The following PASK variants were observed in gnomAD, a reference collection of about 807,000 sequenced individuals.
PASK encodes PAS domain-containing serine/threonine-protein kinase.
Under a neutral mutation model 121.0 loss-of-function variants are expected in PASK, and 110 were observed. The ratio of observed to expected loss-of-function variants is 0.91; its 90% CI spans 0.78 to 1.06. The LOEUF is 1.06. Ranked by LOEUF, PASK falls within the 50% of genes least tolerant of loss-of-function variation. The pLI, the probability that PASK is intolerant of heterozygous loss-of-function variation, is 0.00. For missense variants in PASK, 1,643 were observed against 1,702.3 expected (o/e 0.97, Z 0.61); for synonymous variants, 686 against 717.8 (o/e 0.96, Z 0.71).
Position 241,108,217 on chromosome 2 carries a change from A to G in PASK, c.3617T>C (p.Leu1206Pro). Reference protein sequence around the residue: ...LVFEENPFCELEETVEAAIHP... With the variant: ...LVFEENPFCEPEETVEAAIHP... ...TATGGCAGCCTCCACGGTCTCCTCC[A>G]GCTCACAGAAGGGGTTCTCCTCAAA... Residue 1206 changes from leucine to proline, a missense_variant, in exon 16 of 18, where the codon CTG becomes CCG. By Grantham distance (98) the Leu-to-Pro change is moderately conservative. Transcript: ENST00000234040. The surrounding 1 kb of genome is among the most constrained non-coding windows in gnomAD (Gnocchi z 5.2). The G allele has an allele frequency of 6.2e-7, 1 of 1,613,844 alleles. No homozygotes were observed. Among genetic ancestry groups the G allele is most frequent in the African/African-American group, 1.3e-5 (1 of 74,984 alleles).
chr2:241,145,609 C>G (rs1331100831), intron 1 of PASK: 1 of 151,730 alleles, frequency 6.6e-6, no homozygotes, highest in East Asian at 1.9e-4. Context: ...ATTGAGAACA[C>G]ATCACACCTG....
rs747065146 is a variant in PASK, at chr2:241,126,255, C to T, written c.2660G>A (p.Arg887Gln). 6.8e-6 allele frequency: 11 copies of T among 1,614,026 alleles called. No homozygotes were observed. Among genetic ancestry groups the T allele is most frequent in the South Asian group, 2.2e-5 (2 of 91,076 alleles). ...IVMRGAAGLQ[R>Q]EIQEGAYSGS... ...GGAGTAGGCACCCTCCTGGATCTCC[C>T]GCTGCAGGCCAGCAGCCCCGCGCAT... The change falls in exon 10 of 18, where the codon CGG becomes CAG. Residue 887 changes from arginine (R) to glutamine (Q), a missense_variant. This residue lies in a region of PASK where 1,176 missense variants were observed against 1,162.2 expected (regional missense o/e 1.01). Transcript: ENST00000234040.
In PASK at chr2:241,135,502, G is replaced by A. The variant is rs184418271; in HGVS notation, c.1306+369C>T. 3.0e-4 allele frequency among the ~76,000 whole-genome samples: 46 copies of A among 152,082 alleles called. No individual in the cohort carries two copies. In the East Asian group the frequency reaches 7.7e-3, roughly 26 times the overall value. ...CAAACCCAGTTGTTCAAGGGTCAGC[G>A]GTAATCCGATATGCTACATGGCTTC... On this transcript the variant is annotated intron_variant, in intron 8 of 17. Coordinates refer to ENST00000234040, the MANE Select transcript of PASK (RefSeq NM_015148.4).
intron 9 of PASK, among the ~76,000 whole-genome samples, chr2:241,130,850 A>T (rs892120404): frequency 1.6e-4 from 25 of 152,200 alleles, no homozygotes; most frequent in African/African-American, 6.0e-4. Flanking sequence ...GATCTGCAGG[A>T]CATGTGTGTG....
chr2:241,150,279 C>G (rs1575371222), upstream of PASK: 2 of 1,319,224 alleles, frequency 1.5e-6, no homozygotes, highest in Non-Finnish European at 1.9e-6. Context: ...CCAGACTGTT[C>G]CGGCTCCGCC....
intron 1 of PASK, among the ~76,000 whole-genome samples, chr2:241,143,306 G>A (rs1187540313): frequency 6.6e-6 from 1 of 152,224 alleles, no homozygotes; most frequent in Non-Finnish European, 1.5e-5. Flanking sequence ...ACTTTGGGAG[G>A]CTGAGGAGGG....
intron 12 of PASK, among the ~76,000 whole-genome samples, chr2:241,116,913 G>T (rs1575247198): frequency 6.6e-6 from 1 of 152,180 alleles, no homozygotes; most frequent in Non-Finnish European, 1.5e-5. Flanking sequence ...AAAAAGATGG[G>T]GCAGGAAGTG....
upstream of PASK, chr2:241,149,884 T>C (rs1390534532): frequency 6.9e-7 from 1 of 1,446,412 alleles, no homozygotes; most frequent in Non-Finnish European, 9.0e-7. Context: ...GCCAGCTGGC[T>C]AGCGGCCCCA....
rs750781148 is a variant in PASK, at chr2:241,112,222, C to A, written c.3533+18G>T. 3.7e-6 allele frequency: 6 copies of A among 1,601,470 alleles called. No homozygotes were observed. The highest frequency in any genetic ancestry group is 5.1e-6 in the Non-Finnish European group (6 of 1,168,706). On this transcript the variant is annotated intron_variant, in intron 15 of 17. Transcript: ENST00000234040. This position sits in a 1 kb window ranked among gnomAD's most constrained non-coding sequence, Gnocchi z 5.2. ...ACAGAGGACACGAGGACGGGCCGCA[C>A]CGCAGCCGCATACGTACGGATTCCC...
At position 241,123,734 on chromosome 2, in the gene PASK, C is replaced by T. The variant is rs554978195; in HGVS notation, c.2904+215G>A. ...TCGGGAGGCTGAGGCGGGCGAATCA[C>T]TTGAACCCGGGAAGCAGAGGTTGCA... On this transcript the variant is annotated intron_variant, in intron 11 of 17. Transcript: ENST00000234040. Among the ~76,000 whole-genome samples, 9 of 151,744 alleles carry T rather than the reference C, an allele frequency of 5.9e-5. No homozygotes were observed. The East Asian group carries it at 1.4e-3, about 23-fold the overall frequency.
At position 241,149,406 on chromosome 2, in the gene PASK, T is replaced by C. The variant is rs1411986077; in HGVS notation, c.-43+8A>G. ...CCCGGCCCGCTCTCCCGAGCGCAGGTATCTCACCTGGATCAGGCGAGGGTC... is the reference window on the plus strand; with the variant it reads ...CCCGGCCCGCTCTCCCGAGCGCAGGCATCTCACCTGGATCAGGCGAGGGTC... On this transcript the variant is annotated splice_region_variant and intron_variant, in intron 1 of 17. Transcript: ENST00000234040. 8.6e-6 allele frequency: 4 copies of C among 463,320 alleles called. No homozygotes were observed. Among genetic ancestry groups the C allele is most frequent in the Admixed American group, 3.9e-5 (1 of 25,816 alleles). The allele number at this position is 463,320 out of a possible 1,614,324, so 28.7% of individuals were successfully genotyped here.
intron 2 of PASK, 165 bp from the exon 3 acceptor site, chr2:241,140,918 G>C (rs1337165166): frequency 1.5e-6 from 1 of 665,260 alleles, no homozygotes; most frequent in Admixed American, 2.2e-5. Context: ...GTCTGAACAT[G>C]GTCCCCAGAA....
At chr2:241,138,901 C>G (rs771589376) in intron 4 of PASK, 107 bp from the exon 5 acceptor site, 161 of 1,031,292 alleles carry the variant, frequency 1.6e-4, no homozygotes, top group Non-Finnish European at 2.1e-4. Context: ...GCAACGTTTT[C>G]AACTTCTGCT....
At chr2:241,148,922 T>G (rs2067119089) in intron 1 of PASK, among the ~76,000 whole-genome samples, 1 of 151,778 alleles carries the variant, frequency 6.6e-6, no homozygotes, top group Non-Finnish European at 1.5e-5. Flanking sequence ...GTGAAAAAAT[T>G]AAGGCTCAAG....
At chr2:241,114,869 C>A in intron 14 of PASK, 174 bp downstream of exon 14, 1 of 1,515,960 alleles carries the variant, frequency 6.6e-7, no homozygotes, top group South Asian at 1.3e-5. Flanking sequence ...ACTTTCTCTA[C>A]TTCAATCATA....
At chr2:241,132,133 T>A (rs73112179) in intron 9 of PASK, among the ~76,000 whole-genome samples, 1 of 151,644 alleles carries the variant, frequency 6.6e-6, no homozygotes, top group South Asian at 2.1e-4. Flanking sequence ...AATACGACTA[T>A]GAGAATAGAA....
chr2:241,106,181 C>G lies in PASK; in HGVS notation c.*385G>C, dbSNP rs1462543925. The stretch of plus-strand genomic sequence containing the variant: ...TGAAATAGTCTGGCCATTTGACTAA[C>G]CAGTTCTACAAATTTCACATATCCG... On this transcript the variant is annotated 3_prime_UTR_variant, in exon 18 of 18. Transcript: ENST00000234040. The G allele has an allele frequency of 7.6e-6, 2 of 263,266 alleles. No individual in the cohort carries two copies. The highest frequency in any genetic ancestry group is 2.3e-5 in the African/African-American group (1 of 43,982). 16.3% of individuals were successfully genotyped at this position (263,266 alleles called of 1,614,324 possible). A position where few individuals can be genotyped will look rare whatever the true frequency, so the allele number is the denominator to read the frequency against.
chr2:241,142,375 CCTGGACAAAGGAGGCACCAACGGAAT>C (rs1014965555), intron 2 of PASK, among the ~76,000 whole-genome samples: 6 of 152,164 alleles, frequency 3.9e-5, no homozygotes, highest in African/African-American at 1.2e-4. Flanking sequence ...CTTTGGGGTG[CCTGGACAAAGGAGGCACCAACGGAAT>C]CTGGACATAG....
At chr2:241,149,334 G>C (rs917001650) in intron 1 of PASK, 80 bp downstream of exon 1, 2 of 252,304 alleles carry the variant, frequency 7.9e-6, no homozygotes, top group Non-Finnish European at 1.5e-5. Context: ...TGGGCCAGGG[G>C]CGCGGAGCCG....
Sources: gnomAD v4.1 joint callset for allele counts (sites outside exome capture counted in the v4.1 genomes callset) on GRCh38, gnomAD v4.1.1 for gene constraint, gnomAD v4.1.1 regional missense constraint, Gnocchi (gnomAD v3.1) non-coding constraint, MANE v1.5 for transcripts, NCBI Gene and HGNC (gene_info 2026-07-23, HGNC 2026-07-21) for gene names.